The following GRIA4 variants were observed in gnomAD, a reference collection of about 807,000 sequenced individuals.
GRIA4 encodes glutamate receptor 4.
In GRIA4, 34 loss-of-function variants were observed where a neutral mutation model predicts 104.0. The observed-to-expected ratio is 0.33, with a 90% CI of 0.25 to 0.44. The LOEUF is 0.44. GRIA4 is among the 20% of genes least tolerant of loss of function. The pLI is 1.00. For missense variants in GRIA4, 750 were observed against 1,096.5 expected, an observed-to-expected ratio of 0.68 and a Z score of 4.46; for synonymous variants, 386 against 381.9, an observed-to-expected ratio of 1.01 and a Z score of -0.13.
chr11:105,842,139 C>T (rs933575291), intron 4 of GRIA4, among the ~76,000 whole-genome samples: 1 of 152,028 alleles, frequency 6.6e-6, no homozygotes, highest in Non-Finnish European at 1.5e-5. Flanking sequence ...ATGTGCAATG[C>T]CCTAAGGAGA....
At chr11:105,634,486 A>G (rs1951140159) in intron 3 of GRIA4, among the ~76,000 whole-genome samples, 2 of 63,784 alleles carry the variant, frequency 3.1e-5, no homozygotes, top group Admixed American at 1.2e-4. Flanking sequence ...AGAAAGAAAG[A>G]AAGAAAGAAA....
chr11:105,964,161 G>A (rs1484231054), intron 14 of GRIA4, among the ~76,000 whole-genome samples: 4 of 151,998 alleles, frequency 2.6e-5, no homozygotes, highest in Admixed American at 2.6e-4. Flanking sequence ...CTGGTCCTTT[G>A]GTGATTAAAC....
chr11:105,701,256 ATAT>A (rs1391163562), intron 3 of GRIA4, among the ~76,000 whole-genome samples: 2 of 152,184 alleles, frequency 1.3e-5, no homozygotes, highest in East Asian at 3.8e-4. Flanking sequence ...GCTTACAAAT[ATAT>A]CTTCTGTGCT....
At chr11:105,774,282 A>G (rs894760547) in intron 4 of GRIA4, among the ~76,000 whole-genome samples, 7 of 151,736 alleles carry the variant, frequency 4.6e-5, no homozygotes, top group Non-Finnish European at 1.0e-4. Context: ...AAAGAAACCA[A>G]AATAGCACTT....
chr11:105,810,172 C>T lies in GRIA4; in HGVS notation c.488-51852C>T, dbSNP rs113769531. On this transcript the variant is annotated intron_variant, in intron 4 of 16. Coordinates refer to ENST00000282499, the MANE Select transcript of GRIA4 (RefSeq NM_000829.4). ...AGCATGGAGTTCTACTTAAGGTCTC[C>T]ATGTTAGAACAGCTTGTCTCCTTTG... 3.0e-3 allele frequency among the ~76,000 whole-genome samples: 458 copies of T among 152,246 alleles called. 3 individuals carry two copies. Among genetic ancestry groups the T allele is most frequent in the African/African-American group, 0.01 (434 of 41,550 alleles).
chr11:105,623,071 A>G (rs1439154256), intron 3 of GRIA4, among the ~76,000 whole-genome samples: 11 of 54,284 alleles, frequency 2.0e-4, no homozygotes, highest in African/African-American at 4.7e-4. Context: ...ATATATATAT[A>G]TATATATATA....
chr11:105,791,615 A>G (rs1942217202), intron 4 of GRIA4, among the ~76,000 whole-genome samples: 1 of 152,174 alleles, frequency 6.6e-6, no homozygotes, highest in South Asian at 2.1e-4. Context: ...TCAACTACAT[A>G]GAACATGTAT....
Position 105,611,074 on chromosome 11 carries a change from G to C in GRIA4, c.77G>C (p.Ser26Thr), listed in dbSNP as rs747981441. Residue 26 changes from serine to threonine, a missense_variant, in exon 2 of 17, where the codon AGC becomes ACC. Ser to Thr is a moderately conservative substitution (Grantham distance 58). Transcript: ENST00000282499. ...CTCGCCATGGGAGCCTTTCCGAGCA[G>C]CGTGCAAATAGGTAAGGTGTGCTCC... ...WGLAMGAFPS[S>T]VQIGGLFIRN... The C allele has an allele frequency of 1.9e-5, 30 of 1,612,270 alleles. No homozygotes were observed. Among genetic ancestry groups the C allele is most frequent in the Non-Finnish European group, 2.5e-5 (30 of 1,178,472 alleles).
Position 105,675,173 on chromosome 11 carries a change from T to A in GRIA4, c.247+62739T>A, listed in dbSNP as rs116589490. On this transcript the variant is annotated intron_variant, in intron 3 of 16. Coordinates refer to ENST00000282499, the MANE Select transcript of GRIA4 (RefSeq NM_000829.4). Reference sequence around the variant, plus strand: ...ATTTCTACTTTTAAGTAATTAGGTATGACTTGATGGTGAGGTAGAGCAAAT... The same window carrying A: ...ATTTCTACTTTTAAGTAATTAGGTAAGACTTGATGGTGAGGTAGAGCAAAT... Among the ~76,000 whole-genome samples the A allele has an allele frequency of 2.2e-3, 335 of 151,988 alleles. 3 individuals carry two copies. The highest frequency in any genetic ancestry group is 7.5e-3 in the African/African-American group (311 of 41,542).
At chr11:105,658,755 T>A (rs1218356734) in intron 3 of GRIA4, among the ~76,000 whole-genome samples, 1 of 151,906 alleles carries the variant, frequency 6.6e-6, no homozygotes, top group Non-Finnish European at 1.5e-5. Context: ...CTTTGTTGAA[T>A]TTTTTGAGGA....
At chr11:105,964,790 TTTTGTTTTTTTTTTG>T (rs1948820961) in intron 14 of GRIA4, among the ~76,000 whole-genome samples, 1 of 150,288 alleles carries the variant, frequency 6.7e-6, no homozygotes, top group African/African-American at 2.5e-5. Flanking sequence ...ACATGTTTTT[TTTTGTTTTTTTTTTG>T]TTTGTTTGTT....
intron 3 of GRIA4, among the ~76,000 whole-genome samples, chr11:105,628,946 A>T (rs1342116588): frequency 6.6e-6 from 1 of 152,124 alleles, no homozygotes; most frequent in Admixed American, 6.6e-5. Flanking sequence ...CCATCATCTC[A>T]GCCCAAAATC....
intron 5 of GRIA4, among the ~76,000 whole-genome samples, chr11:105,879,554 T>C (rs1226692639): frequency 6.6e-6 from 1 of 152,232 alleles, no homozygotes. Flanking sequence ...ATTATGCATA[T>C]ATGAAGAAAC....
chr11:105,857,294 A>G (rs892385981), intron 4 of GRIA4, among the ~76,000 whole-genome samples: 11 of 152,174 alleles, frequency 7.2e-5, no homozygotes, highest in Admixed American at 2.0e-4. Context: ...ACACACAGAC[A>G]CACACACCTT....
At chr11:105,668,217 C>CA (rs1952231814) in intron 3 of GRIA4, among the ~76,000 whole-genome samples, 1 of 21,588 alleles carries the variant, frequency 4.6e-5, no homozygotes, top group South Asian at 2.8e-3. Flanking sequence ...CACACACACA[C>CA]ATATAATATA....
intron 3 of GRIA4, chr11:105,612,693 T>C: frequency 2.3e-6 from 1 of 433,170 alleles, no homozygotes; most frequent in Non-Finnish European, 4.1e-6. Flanking sequence ...CTTTTATTCA[T>C]TATCTGTCTA....
At chr11:105,634,961 T>C (rs1951164954) in intron 3 of GRIA4, among the ~76,000 whole-genome samples, 1 of 152,158 alleles carries the variant, frequency 6.6e-6, no homozygotes, top group South Asian at 2.1e-4. Context: ...TGTTTGAGGA[T>C]TATGGATACC....
At chr11:105,861,769 A>G (rs1945234133) in intron 4 of GRIA4, among the ~76,000 whole-genome samples, 1 of 152,188 alleles carries the variant, frequency 6.6e-6, no homozygotes, top group Non-Finnish European at 1.5e-5. Context: ...CAGCAATGCA[A>G]TGTTCTCCAG....
intron 4 of GRIA4, among the ~76,000 whole-genome samples, chr11:105,858,758 A>G (rs2136010195): frequency 6.6e-6 from 1 of 152,258 alleles, no homozygotes; most frequent in East Asian, 1.9e-4. Context: ...AGAACATGGG[A>G]AACTTGTCTT....
Sources: allele counts gnomAD v4.1 joint callset (sites outside exome capture counted in the v4.1 genomes callset), GRCh38; gene constraint gnomAD v4.1.1; transcripts MANE v1.5; gene names NCBI Gene and HGNC (gene_info 2026-07-23, HGNC 2026-07-21).